Variants in ENKUR observed in about 807,000 individuals in gnomAD.
ENKUR encodes enkurin, TRPC channel interacting protein, also known as enkurin.
In ENKUR, 19 loss-of-function variants were observed where a neutral mutation model predicts 27.6. That is an observed-to-expected ratio of 0.69 (90% CI 0.48 to 1.01). The LOEUF (loss-of-function observed/expected upper bound fraction) is 1.01. Ranked by LOEUF, ENKUR falls within the 50% of genes least tolerant of loss-of-function variation. The pLI, the probability that ENKUR is intolerant of heterozygous loss-of-function variation, is 0.00. For synonymous variants in ENKUR, 117 were observed against 96.9 expected (o/e 1.21, Z -1.22); for missense variants, 312 against 310.5 (o/e 1.00, Z -0.04).
At chr10:25,035,544 A>C (rs971910168) in intron 2 of ENKUR, among the ~76,000 whole-genome samples, 1 of 150,440 alleles carries the variant, frequency 6.6e-6, no homozygotes, top group Non-Finnish European at 1.5e-5. Context: ...AACAAGAGCT[A>C]AACTCTGTCT....
intron 2 of ENKUR, among the ~76,000 whole-genome samples, chr10:25,060,359 G>A (rs1851313161): frequency 6.6e-6 from 1 of 152,114 alleles, no homozygotes; most frequent in Admixed American, 6.6e-5. Context: ...AGAATACCAT[G>A]ACCAGAAATT....
chr10:25,005,529 C>A (rs1850292490), intron 1 of ENKUR, among the ~76,000 whole-genome samples: 1 of 152,042 alleles, frequency 6.6e-6, no homozygotes, highest in Non-Finnish European at 1.5e-5. Context: ...TCAATTTTTC[C>A]CAGTATTACT....
intron 2 of ENKUR, chr10:25,026,476 G>GA (rs1420446021): frequency 6.0e-6 from 1 of 167,024 alleles, no homozygotes; most frequent in Non-Finnish European, 1.5e-5. Context: ...TATATTATTT[G>GA]GAGTCAATTC....
chr10:24,996,327 T>C (rs1304550303), intron 2 of ENKUR, among the ~76,000 whole-genome samples: 1 of 151,802 alleles, frequency 6.6e-6, no homozygotes, highest in Non-Finnish European at 1.5e-5. Flanking sequence ...GAGGCTGAGG[T>C]GGGAGGATTG....
chr10:25,033,887 GTCTC>G (rs1261126390), intron 2 of ENKUR, among the ~76,000 whole-genome samples: 2 of 151,868 alleles, frequency 1.3e-5, no homozygotes, highest in African/African-American at 2.4e-5. Context: ...TTGTCTGTCT[GTCTC>G]TATCTGGATG....
At chr10:25,057,956 C>T (rs1384431316) in intron 2 of ENKUR, among the ~76,000 whole-genome samples, 1 of 152,006 alleles carries the variant, frequency 6.6e-6, no homozygotes, top group Non-Finnish European at 1.5e-5. Context: ...TATAAAATAA[C>T]ATCATGATAA....
chr10:24,988,700 A>ATATATATATG (rs1849853290), intron 4 of ENKUR, among the ~76,000 whole-genome samples: 1 of 34,488 alleles, frequency 2.9e-5, no homozygotes, highest in African/African-American at 1.6e-4. Flanking sequence ...ATATATATAT[A>ATATATATATG]TATATATATA....
Position 24,984,076 on chromosome 10 carries a change from TCTC to T in ENKUR, c.*291_*293del. Reference sequence around the variant, plus strand: ...GTTGGTATGCTAGAAAGGAGGCTATTCTCCTTAATCATCCTCAATGATGCCTTT... The same window carrying T: ...GTTGGTATGCTAGAAAGGAGGCTATTCTTAATCATCCTCAATGATGCCTTT... On this transcript the variant is annotated 3_prime_UTR_variant, in exon 6 of 6. Coordinates refer to ENST00000331161, the MANE Select transcript of ENKUR (RefSeq NM_145010.4). 3.0e-6 allele frequency: 1 copy of T among 337,482 alleles called. No individual in the cohort carries two copies. Among genetic ancestry groups the T allele is most frequent in the Non-Finnish European group, 5.3e-6 (1 of 187,828 alleles). 20.9% of individuals were successfully genotyped at this position (337,482 alleles called of 1,614,324 possible).
chr10:25,024,782 C>G (rs1395751895), intron 2 of ENKUR: 5 of 1,614,010 alleles, frequency 3.1e-6, no homozygotes, highest in Non-Finnish European at 4.2e-6. Flanking sequence ...GCAGTGTATG[C>G]CAAAATGATG....
At chr10:25,045,183 A>C in intron 2 of ENKUR, among the ~76,000 whole-genome samples, 1 of 152,022 alleles carries the variant, frequency 6.6e-6, no homozygotes, top group South Asian at 2.1e-4. Flanking sequence ...TTTTGTCTAG[A>C]GTTCATAATT....
At chr10:25,003,920 A>G (rs778594177) in intron 1 of ENKUR, among the ~76,000 whole-genome samples, 12 of 152,112 alleles carry the variant, frequency 7.9e-5, no homozygotes, top group Non-Finnish European at 1.5e-4. Flanking sequence ...GTGAGAATTT[A>G]GCAGTATTTT....
rs150653385 is a variant in ENKUR, at chr10:25,024,738, T to A, written c.38-28869A>T. 198 of 1,614,074 alleles carry A rather than the reference T, an allele frequency of 1.2e-4. No homozygotes were observed. The Middle Eastern group carries it at 1.6e-3, about 13-fold the overall frequency. On this transcript the variant is annotated intron_variant, in intron 2 of 5. Transcript: ENST00000615958. ...CTTTTGGAAGCCCAGTCGATGTCTG[T>A]ATTCCCACAGGAAACTTTGGTAACA...
At chr10:24,997,151 C>T (rs981598723) in intron 2 of ENKUR, among the ~76,000 whole-genome samples, 7 of 152,148 alleles carry the variant, frequency 4.6e-5, no homozygotes, top group African/African-American at 1.7e-4. Flanking sequence ...GAGTGTGAGG[C>T]TGCAGTGTGC....
intron 2 of ENKUR, chr10:25,025,125 T>G (rs1850821506): frequency 6.2e-7 from 1 of 1,614,016 alleles, no homozygotes; most frequent in African/African-American, 1.3e-5. Context: ...CCTATAATAC[T>G]TCAGGGTATA....
At chr10:25,061,267 C>A in exon 2 of ENKUR, 1 of 855,326 alleles carries the variant, frequency 1.2e-6, no homozygotes, top group South Asian at 1.5e-5. Context: ...CAGACACATC[C>A]AGATATGGAA....
At chr10:25,023,255 AAAAGAT>A in intron 2 of ENKUR, 2 of 1,613,164 alleles carry the variant, frequency 1.2e-6, no homozygotes. Flanking sequence ...CATCATCTGA[AAAAGAT>A]AACACAGAAA....
Position 24,987,246 on chromosome 10 carries a change from C to T in ENKUR, c.595-2341G>A, listed in dbSNP as rs375572128. ...CTTCTTGTGCCTGCTGCCTTTCAAGCGTAGGTGGTGGTAAATTCCTACTGT... is the reference window on the plus strand; with the variant it reads ...CTTCTTGTGCCTGCTGCCTTTCAAGTGTAGGTGGTGGTAAATTCCTACTGT... On this transcript the variant is annotated intron_variant, in intron 4 of 5. Coordinates refer to ENST00000331161, the MANE Select transcript of ENKUR (RefSeq NM_145010.4). Among the ~76,000 whole-genome samples the T allele has an allele frequency of 7.9e-5, 12 of 152,308 alleles. No individual in the cohort carries two copies. In the South Asian group the frequency reaches 2.5e-3, roughly 32 times the overall value.
At chr10:24,988,338 A>ATATATATATTTATATATGTG (rs1396830412) in intron 4 of ENKUR, among the ~76,000 whole-genome samples, 4 of 143,824 alleles carry the variant, frequency 2.8e-5, no homozygotes, top group African/African-American at 7.7e-5. Context: ...ATATATGTGT[A>ATATATATATTTATATATGTG]TATATATATT....
intron 3 of ENKUR, among the ~76,000 whole-genome samples, chr10:24,990,846 C>G (rs536690955): frequency 6.6e-6 from 1 of 152,012 alleles, no homozygotes; most frequent in South Asian, 2.1e-4. Flanking sequence ...GTAATCCCAG[C>G]ACTTTGGGAG....
Sources: allele counts gnomAD v4.1 joint callset (sites outside exome capture counted in the v4.1 genomes callset), GRCh38; gene constraint gnomAD v4.1.1; transcripts MANE v1.5; gene names NCBI Gene and HGNC (gene_info 2026-07-23, HGNC 2026-07-21).